TMEM233: variants seen among roughly 807,000 people sequenced by gnomAD.
The protein encoded by TMEM233 is transmembrane protein 233, also known as dispanin subfamily B member 2.
In TMEM233, 6 loss-of-function variants were observed where a neutral mutation model predicts 11.2. The observed-to-expected ratio is 0.54, with a 90% CI of 0.29 to 1.06. TMEM233 has a LOEUF of 1.06. Ranked by LOEUF, TMEM233 falls within the 50% of genes least tolerant of loss-of-function variation. The probability of loss-of-function intolerance (pLI) is 0.08; values close to 1 mark genes in which losing one functional copy is unlikely to be tolerated. For missense variants in TMEM233, 127 were observed against 144.7 expected (o/e 0.88, Z 0.63); for synonymous variants, 59 against 55.8 (o/e 1.06, Z -0.26).
intron 1 of TMEM233, among the ~76,000 whole-genome samples, chr12:119,610,475 T>C (rs962343199): frequency 1.2e-4 from 19 of 152,196 alleles, no homozygotes; most frequent in Non-Finnish European, 2.5e-4. Flanking sequence ...GGTTTAGCTG[T>C]GTCCTCATGC....
At chr12:119,625,306 G>A (rs1954727746) in intron 1 of TMEM233, among the ~76,000 whole-genome samples, 1 of 152,042 alleles carries the variant, frequency 6.6e-6, no homozygotes, top group Non-Finnish European at 1.5e-5. Context: ...TCAAGGAAGA[G>A]GTTCTCAGTG....
At chr12:119,647,893 T>A (rs1192381348), downstream of TMEM233, among the ~76,000 whole-genome samples, 1 of 151,830 alleles carries the variant, frequency 6.6e-6, no homozygotes, top group Non-Finnish European at 1.5e-5. Context: ...TCCAAACTTT[T>A]AATGATACCC....
chr12:119,637,446 A>G (rs1450925255), intron 2 of TMEM233, among the ~76,000 whole-genome samples: 1 of 152,234 alleles, frequency 6.6e-6, no homozygotes, highest in Non-Finnish European at 1.5e-5. Context: ...TCTCTCTCAT[A>G]AGCAAATTGA....
At chr12:119,651,873 C>G in the TMEM233 span, among the ~76,000 whole-genome samples, 3 of 146,654 alleles carry the variant, frequency 2.0e-5, no homozygotes, top group Non-Finnish European at 4.5e-5. Context: ...AACAGTAGCT[C>G]TTAGAAATTT....
chr12:119,596,340 T>C (rs1954047627), intron 1 of TMEM233, among the ~76,000 whole-genome samples: 1 of 152,098 alleles, frequency 6.6e-6, no homozygotes, highest in South Asian at 2.1e-4. Context: ...CTCCAGATGG[T>C]AGTGACAGGT....
chr12:119,601,035 T>G (rs1180449613), intron 1 of TMEM233, among the ~76,000 whole-genome samples: 1 of 152,170 alleles, frequency 6.6e-6, no homozygotes, highest in Non-Finnish European at 1.5e-5. Flanking sequence ...TAATAAAATT[T>G]GATACTCATT....
At chr12:119,630,386 C>T (rs1954854007) in intron 2 of TMEM233, among the ~76,000 whole-genome samples, 1 of 152,206 alleles carries the variant, frequency 6.6e-6, no homozygotes, top group South Asian at 2.1e-4. Context: ...TGTAGCTGCT[C>T]TATCTAGGAC....
At chr12:119,646,888 G>C (rs1955159881), downstream of TMEM233, among the ~76,000 whole-genome samples, 1 of 152,084 alleles carries the variant, frequency 6.6e-6, no homozygotes, top group Non-Finnish European at 1.5e-5. Flanking sequence ...GTTTGTATGG[G>C]GATATCTTTT....
chr12:119,595,877 T>C lies in TMEM233; in HGVS notation c.186+1843T>C, dbSNP rs1442966743. Among the ~76,000 whole-genome samples, 2 of 152,232 alleles carry C rather than the reference T, an allele frequency of 1.3e-5. No individual in the cohort carries two copies. The highest frequency in any genetic ancestry group is 4.8e-5 in the African/African-American group (2 of 41,472). On this transcript the variant is annotated intron_variant, in intron 1 of 2. Transcript: ENST00000426426. This position sits in a 1 kb window ranked among gnomAD's most constrained non-coding sequence, Gnocchi z 4.3. ...TAATTATTTGTATGTTTACAGTCTG[T>C]GTCCCTCTCATTAGAATATAAGCTC...
At chr12:119,601,519 G>A (rs193302518) in intron 1 of TMEM233, among the ~76,000 whole-genome samples, 126 of 152,144 alleles carry the variant, frequency 8.3e-4, no homozygotes, top group Middle Eastern at 3.4e-3. Context: ...TTAGCCAGGC[G>A]TGGTGGCGGG....
chr12:119,643,992 A>T (rs1955118749), downstream of TMEM233, among the ~76,000 whole-genome samples: 1 of 152,162 alleles, frequency 6.6e-6, no homozygotes, highest in Admixed American at 6.5e-5. Flanking sequence ...AATAGGGACA[A>T]TACGACTGCC....
At chr12:119,634,400 G>A (rs907394473) in intron 2 of TMEM233, 5 of 345,836 alleles carry the variant, frequency 1.4e-5, no homozygotes, top group African/African-American at 8.9e-5. Flanking sequence ...TTGAGGCCAG[G>A]AGTTTAGGAC....
At chr12:119,621,291 G>A (rs1223050237) in intron 1 of TMEM233, among the ~76,000 whole-genome samples, 1 of 152,072 alleles carries the variant, frequency 6.6e-6, no homozygotes, top group Non-Finnish European at 1.5e-5. Flanking sequence ...CCCCTGCCTT[G>A]GCCTCCCAAA....
intron 1 of TMEM233, among the ~76,000 whole-genome samples, chr12:119,606,495 G>A (rs1954281377): frequency 6.6e-6 from 1 of 152,126 alleles, no homozygotes; most frequent in South Asian, 2.1e-4. Flanking sequence ...ATTAGAAGAC[G>A]TTGTTTGAAG....
Position 119,594,737 on chromosome 12 carries a change from G to A in TMEM233, c.186+703G>A, listed in dbSNP as rs1390351130. Among the ~76,000 whole-genome samples, 1 of 152,012 alleles carries A rather than the reference G, an allele frequency of 6.6e-6. No individual in the cohort carries two copies. The highest frequency in any genetic ancestry group is 1.5e-5 in the Non-Finnish European group (1 of 67,996). On this transcript the variant is annotated intron_variant, in intron 1 of 2. Coordinates refer to ENST00000426426, the MANE Select transcript of TMEM233 (RefSeq NM_001136534.3). This position sits in a 1 kb window ranked among gnomAD's most constrained non-coding sequence, Gnocchi z 5.6. ...CCCTCCGGCGCCCCCTTTTTAACGCGCCCGAGGCTGGCTCACACCCACTAC... is the reference window on the plus strand; with the variant it reads ...CCCTCCGGCGCCCCCTTTTTAACGCACCCGAGGCTGGCTCACACCCACTAC...
At chr12:119,644,478 C>CTTTT (rs58075242), downstream of TMEM233, among the ~76,000 whole-genome samples, 9 of 126,970 alleles carry the variant, frequency 7.1e-5, no homozygotes, top group East Asian at 2.6e-4. Context: ...TTTTTCTTTT[C>CTTTT]TTTTTTTTTT....
downstream of TMEM233, among the ~76,000 whole-genome samples, chr12:119,645,900 T>C (rs114363222): frequency 0.018 from 2,783 of 152,184 alleles, 95 homozygotes; most frequent in African/African-American, 0.064. Flanking sequence ...TTGTACTAGT[T>C]GGAGTGAAAG....
chr12:119,631,192 A>G (rs1858982), intron 2 of TMEM233: 118,047 of 152,148 alleles, frequency 0.78, 45,924 homozygotes, highest in Middle Eastern at 0.85. Flanking sequence ...CTGCCACAGC[A>G]GCATGGCTAC....
At chr12:119,646,895 T>G (rs1055764257), downstream of TMEM233, among the ~76,000 whole-genome samples, 3 of 152,234 alleles carry the variant, frequency 2.0e-5, no homozygotes, top group South Asian at 4.1e-4. Flanking sequence ...TGGGGATATC[T>G]TTTGGCGAGC....
Sources: allele counts gnomAD v4.1 joint callset (sites outside exome capture counted in the v4.1 genomes callset), GRCh38; gene constraint gnomAD v4.1.1; non-coding constraint Gnocchi (gnomAD v3.1); transcripts MANE v1.5; gene names NCBI Gene and HGNC (gene_info 2026-07-23, HGNC 2026-07-21).